NHLRC2: variants seen among roughly 807,000 people sequenced by gnomAD.
The protein encoded by NHLRC2 is NHL repeat containing 2, also known as NHL repeat-containing protein 2.
In NHLRC2, 33 loss-of-function variants were observed where a neutral mutation model predicts 68.1. The ratio of observed to expected loss-of-function variants is 0.48; its 90% CI spans 0.37 to 0.65. The LOEUF is 0.65. Ranked by LOEUF, NHLRC2 falls within the 30% of genes least tolerant of loss-of-function variation. NHLRC2 has a pLI of 0.00. For missense variants in NHLRC2, 761 were observed against 853.8 expected, an observed-to-expected ratio of 0.89 and a Z score of 1.35; for synonymous variants, 311 against 309.6, an observed-to-expected ratio of 1.00 and a Z score of -0.05.
At chr10:113,903,233 A>T (rs1025414261) in intron 8 of NHLRC2, among the ~76,000 whole-genome samples, 19 of 151,954 alleles carry the variant, frequency 1.3e-4, no homozygotes, top group Non-Finnish European at 2.5e-4. Context: ...ACAATTCAAT[A>T]AAAAAAAATT....
intron 8 of NHLRC2, 144 bp from the exon 9 acceptor site, chr10:113,903,383 A>G (rs900542082): frequency 9.6e-6 from 6 of 624,864 alleles, no homozygotes; most frequent in Non-Finnish European, 1.7e-5. Flanking sequence ...TTTCAAGAAA[A>G]TATGGAAATA....
intron 2 of NHLRC2, among the ~76,000 whole-genome samples, chr10:113,862,988 T>A (rs1014760537): frequency 6.6e-6 from 1 of 152,092 alleles, no homozygotes; most frequent in Non-Finnish European, 1.5e-5. Context: ...AAAAATAAAT[T>A]AATACATAGA....
chr10:113,903,398 T>C (rs939205992), intron 8 of NHLRC2, 129 bp from the exon 9 acceptor site: 68 of 659,398 alleles, frequency 1.0e-4, no homozygotes, highest in Admixed American at 2.0e-4. Context: ...GAAATAACTA[T>C]TCCTTTTGTG....
intron 10 of NHLRC2, among the ~76,000 whole-genome samples, chr10:113,906,282 A>T (rs1846274241): frequency 6.6e-6 from 1 of 152,220 alleles, no homozygotes; most frequent in South Asian, 2.1e-4. Context: ...AAATACAGAT[A>T]GTATTCAAAT....
At position 113,879,461 on chromosome 10, in the gene NHLRC2, T is replaced by G. The variant is rs570565512; in HGVS notation, c.788-113T>G. 84 of 926,520 alleles carry G rather than the reference T, an allele frequency of 9.1e-5. No individual in the cohort carries two copies. The East Asian group carries it at 1.9e-3, about 21-fold the overall frequency. The allele number at this position is 926,520 out of a possible 1,614,324, so 57.4% of individuals were successfully genotyped here. On this transcript the variant is annotated intron_variant, in intron 3 of 10. Coordinates refer to ENST00000369301, the MANE Select transcript of NHLRC2 (RefSeq NM_198514.4). ...CTTGGGGAACATTTTAGTTTTTAGA[T>G]GGACATACCATTTTTTTATATTAAA...
At chr10:113,872,824 G>A (rs1001519513) in intron 2 of NHLRC2, among the ~76,000 whole-genome samples, 6 of 150,338 alleles carry the variant, frequency 4.0e-5, no homozygotes, top group Non-Finnish European at 7.4e-5. Context: ...AACAGGCAGA[G>A]GAGGTCCAAC....
intron 5 of NHLRC2, among the ~76,000 whole-genome samples, chr10:113,894,037 G>A (rs1469054591): frequency 6.6e-6 from 1 of 152,178 alleles, no homozygotes; most frequent in East Asian, 1.9e-4. Flanking sequence ...AGTGGCTTAG[G>A]TCAAGGTGGA....
intron 5 of NHLRC2, among the ~76,000 whole-genome samples, chr10:113,890,329 T>A (rs948518100): frequency 6.6e-6 from 1 of 152,258 alleles, no homozygotes; most frequent in Non-Finnish European, 1.5e-5. Context: ...AAGATATTAC[T>A]CCATTGTCTT....
chr10:113,890,542 C>T (rs1038334839), intron 5 of NHLRC2, among the ~76,000 whole-genome samples: 19 of 152,128 alleles, frequency 1.2e-4, no homozygotes, highest in African/African-American at 4.3e-4. Flanking sequence ...CACTCATTAT[C>T]TCTTCAGATA....
At chr10:113,898,253 G>A in intron 6 of NHLRC2, 44 bp downstream of exon 6, 1 of 1,287,236 alleles carries the variant, frequency 7.8e-7, no homozygotes, top group Non-Finnish European at 1.1e-6. Flanking sequence ...ACTACTTGGT[G>A]TTCATATAAT....
rs1479145701 is a variant in NHLRC2 at position 113,869,670 on chromosome 10, T to C, written c.332-6851T>C. 2.0e-5 allele frequency among the ~76,000 whole-genome samples: 3 copies of C among 152,190 alleles called. No homozygotes were observed. In the East Asian group the frequency reaches 5.8e-4, roughly 29 times the overall value. On this transcript the variant is annotated intron_variant, in intron 2 of 10. Transcript: ENST00000369301. ...CAGTCATCACTTCTTCAAGGAAATG[T>C]TGGGATATATTTATCAGTAGGAAAA...
chr10:113,863,099 C>G (rs1845831833), intron 2 of NHLRC2, among the ~76,000 whole-genome samples: 1 of 152,072 alleles, frequency 6.6e-6, no homozygotes, highest in African/African-American at 2.4e-5. Flanking sequence ...ATAGACAATT[C>G]TACAATAGTA....
At chr10:113,907,878 C>G (rs1409848453) in intron 10 of NHLRC2, among the ~76,000 whole-genome samples, 1 of 152,108 alleles carries the variant, frequency 6.6e-6, no homozygotes, top group Non-Finnish European at 1.5e-5. Flanking sequence ...TTTTATATCC[C>G]TAAAGACTTT....
In NHLRC2 at chr10:113,855,070, G is replaced by T. The variant is rs1434662164; in HGVS notation, c.178+20G>T. ...CGGAAGGTGAGGGGCTGGCGTCGGGGTGGGGGCCCCTCCCGGCACCTCCCC... is the reference window on the plus strand; with the variant it reads ...CGGAAGGTGAGGGGCTGGCGTCGGGTTGGGGGCCCCTCCCGGCACCTCCCC... On this transcript the variant is annotated intron_variant, in intron 1 of 10. Coordinates refer to ENST00000369301, the MANE Select transcript of NHLRC2 (RefSeq NM_198514.4). 4 of 1,547,850 alleles carry T rather than the reference G, an allele frequency of 2.6e-6. No homozygotes were observed. The highest frequency in any genetic ancestry group is 3.9e-5 in the Admixed American group (2 of 50,974).
At chr10:113,870,067 C>T (rs1253925022) in intron 2 of NHLRC2, among the ~76,000 whole-genome samples, 1 of 152,132 alleles carries the variant, frequency 6.6e-6, no homozygotes, top group African/African-American at 2.4e-5. Context: ...TAGATGTGCT[C>T]ATTGCTACTA....
intron 5 of NHLRC2, among the ~76,000 whole-genome samples, chr10:113,891,781 ATGT>A (rs1368546977): frequency 6.6e-6 from 1 of 151,942 alleles, no homozygotes; most frequent in African/African-American, 2.4e-5. Flanking sequence ...GTGTATGGGG[ATGT>A]TCTCTGTTGT....
chr10:113,880,640 A>G (rs939808335), intron 4 of NHLRC2, among the ~76,000 whole-genome samples: 25 of 151,916 alleles, frequency 1.6e-4, no homozygotes, highest in Non-Finnish European at 2.5e-4. Context: ...CACATAGTAG[A>G]AAAAAATACA....
At position 113,917,126 on chromosome 10, in the gene NHLRC2, C is replaced by A. The variant is rs1414764945; in HGVS notation, c.*8590C>A. ...AATGTGTTTATACTGTATATGGAAA[C>A]CTAATGCCTCTTTTCTAAAGCTTTG... On this transcript the variant is annotated 3_prime_UTR_variant, in exon 11 of 11. Transcript: ENST00000369301. The A allele has an allele frequency of 6.6e-6, 1 of 152,016 alleles. No homozygotes were observed. The highest frequency in any genetic ancestry group is 1.9e-4 in the East Asian group (1 of 5,196). The allele number at this position is 152,016 out of a possible 1,614,324, so 9.4% of individuals were successfully genotyped here.
chr10:113,908,209 A>G, intron 10 of NHLRC2, 71 bp from the exon 11 acceptor site: 2 of 1,143,508 alleles, frequency 1.7e-6, no homozygotes, highest in South Asian at 1.4e-5. Context: ...GAGTTTATCT[A>G]GTCTTCATAA....
Sources: gnomAD v4.1 joint callset for allele counts (sites outside exome capture counted in the v4.1 genomes callset) on GRCh38, gnomAD v4.1.1 for gene constraint, MANE v1.5 for transcripts, NCBI Gene and HGNC (gene_info 2026-07-23, HGNC 2026-07-21) for gene names.